Variants in MACROD2 observed in about 807,000 individuals in gnomAD.
The protein encoded by MACROD2 is mono-ADP ribosylhydrolase 2, also known as ADP-ribose glycohydrolase MACROD2.
In MACROD2, 36 loss-of-function variants were observed where a neutral mutation model predicts 70.4. The ratio of observed to expected loss-of-function variants is 0.51; its 90% CI spans 0.39 to 0.68. The LOEUF is 0.68. MACROD2 is among the 30% of genes least tolerant of loss of function. The pLI, the probability that MACROD2 is intolerant of heterozygous loss-of-function variation, is 0.00. For missense variants in MACROD2, 496 were observed against 538.4 expected, an observed-to-expected ratio of 0.92 and a Z score of 0.78; for synonymous variants, 172 against 178.8, an observed-to-expected ratio of 0.96 and a Z score of 0.30.
chr20:15,471,869 C>G (rs76110196), intron 7 of MACROD2, among the ~76,000 whole-genome samples: 8,132 of 152,096 alleles, frequency 0.053, 739 homozygotes, highest in African/African-American at 0.18. Flanking sequence ...GATCACTTTT[C>G]ATTCCCCCTT....
intron 6 of MACROD2, among the ~76,000 whole-genome samples, chr20:15,352,017 G>A (rs1200415403): frequency 6.6e-6 from 1 of 150,388 alleles, no homozygotes; most frequent in African/African-American, 2.5e-5. Flanking sequence ...AAGAGACTCT[G>A]TTAGTTGGTG....
At chr20:14,337,901 G>C (rs1359575233) in intron 3 of MACROD2, among the ~76,000 whole-genome samples, 7 of 152,126 alleles carry the variant, frequency 4.6e-5, no homozygotes, top group African/African-American at 1.7e-4. Flanking sequence ...TTTTTAAAAA[G>C]CATGTTAGAA....
intron 5 of MACROD2, among the ~76,000 whole-genome samples, chr20:14,983,502 A>C (rs998950125): frequency 6.6e-6 from 1 of 152,072 alleles, no homozygotes; most frequent in Non-Finnish European, 1.5e-5. Context: ...TAATTGAATC[A>C]TGGGGGCGGG....
chr20:15,822,610 A>G (rs921856033), intron 8 of MACROD2, among the ~76,000 whole-genome samples: 1 of 152,198 alleles, frequency 6.6e-6, no homozygotes, highest in Non-Finnish European at 1.5e-5. Context: ...TCCTAACAGC[A>G]TTATTGAATG....
In MACROD2 at chr20:16,052,526, A is replaced by G. The variant is rs1002406118; in HGVS notation, c.*2650A>G. 1 of 152,590 alleles carries G rather than the reference A, an allele frequency of 6.6e-6. No individual in the cohort carries two copies. Among genetic ancestry groups the G allele is most frequent in the African/African-American group, 2.4e-5 (1 of 41,462 alleles). 9.5% of individuals were successfully genotyped at this position (152,590 alleles called of 1,614,324 possible). A position where few individuals can be genotyped will look rare whatever the true frequency, so the allele number is the denominator to read the frequency against. ...GTAGGCCTTCACCATAATAGTTCTA[A>G]TTAAAATGGTCCTCGCTGTAGGAGA... On this transcript the variant is annotated 3_prime_UTR_variant, in exon 18 of 18. Transcript: ENST00000684519.
At chr20:14,495,292 T>C (rs2084841042) in intron 4 of MACROD2, among the ~76,000 whole-genome samples, 1 of 152,088 alleles carries the variant, frequency 6.6e-6, no homozygotes, top group African/African-American at 2.4e-5. Flanking sequence ...CTTTCATACT[T>C]AGATGACCTC....
At chr20:15,580,788 A>G (rs1678910554) in intron 8 of MACROD2, among the ~76,000 whole-genome samples, 1 of 152,210 alleles carries the variant, frequency 6.6e-6, no homozygotes, top group African/African-American at 2.4e-5. Flanking sequence ...ACAAATGGTT[A>G]TGGCTCTTCT....
At chr20:14,536,783 T>C (rs915361127) in intron 4 of MACROD2, among the ~76,000 whole-genome samples, 1 of 152,188 alleles carries the variant, frequency 6.6e-6, no homozygotes, top group South Asian at 2.1e-4. Flanking sequence ...TGAAACCTTA[T>C]TGGGAACATC....
chr20:15,937,450 G>A, intron 11 of MACROD2, 26 bp from the exon 12 acceptor site: 1 of 1,611,456 alleles, frequency 6.2e-7, no homozygotes, highest in Non-Finnish European at 8.5e-7. Context: ...TGAACTCTGA[G>A]GCAGTGTTTC....
rs116453103 is a variant in MACROD2, at chr20:14,667,717, C to G, written c.302-17126C>G. ...GGATTATCCAAGCCATAGCTTTATC[C>G]TCTCTGAAATCTCTTCTATGCACTT... is the stretch of plus-strand genomic sequence containing the variant. On this transcript the variant is annotated intron_variant, in intron 4 of 17. Transcript: ENST00000684519. 5.0e-3 allele frequency among the ~76,000 whole-genome samples: 758 copies of G among 152,278 alleles called. 8 individuals carry two copies. The highest frequency in any genetic ancestry group is 0.017 in the African/African-American group (707 of 41,562).
intron 6 of MACROD2, among the ~76,000 whole-genome samples, chr20:15,418,061 G>A (rs2085141645): frequency 6.6e-6 from 1 of 152,202 alleles, no homozygotes; most frequent in African/African-American, 2.4e-5. Flanking sequence ...CTGAGTCAAA[G>A]GATCGGGGCT....
In MACROD2 at chr20:14,254,476, ATATTT is replaced by A. The variant is rs2092710073; in HGVS notation, c.271+168760_271+168764del. 4.6e-5 allele frequency among the ~76,000 whole-genome samples: 7 copies of A among 152,134 alleles called. 1 individual carries two copies. The South Asian group carries it at 1.0e-3, about 23-fold the overall frequency. On this transcript the variant is annotated intron_variant, in intron 3 of 17. Transcript: ENST00000684519. ...GGCCTAGTTTTCCATATATGTTAAA[ATATTT>A]TATTTTATTTTTATCAGGTAAAATT...
At chr20:14,573,116 A>G (rs939427410) in intron 4 of MACROD2, among the ~76,000 whole-genome samples, 4 of 151,944 alleles carry the variant, frequency 2.6e-5, no homozygotes, top group Non-Finnish European at 5.9e-5. Context: ...AGCCAGGTGG[A>G]ATAACATCAG....
chr20:14,373,745 C>T (rs1460471563), intron 3 of MACROD2, among the ~76,000 whole-genome samples: 1 of 152,128 alleles, frequency 6.6e-6, no homozygotes, highest in East Asian at 1.9e-4. Flanking sequence ...ATTAATTATG[C>T]AGCGAGAGTA....
intron 3 of MACROD2, among the ~76,000 whole-genome samples, chr20:14,274,931 A>C (rs2082235991): frequency 6.6e-6 from 1 of 152,114 alleles, no homozygotes; most frequent in Admixed American, 6.5e-5. Context: ...CTAGGAATCC[A>C]ACTTACAAGG....
At chr20:15,514,123 A>T (rs1426097147) in intron 8 of MACROD2, among the ~76,000 whole-genome samples, 4 of 152,238 alleles carry the variant, frequency 2.6e-5, no homozygotes, top group Non-Finnish European at 5.9e-5. Flanking sequence ...TTATTACAAG[A>T]GTCAAAAGTT....
intron 5 of MACROD2, among the ~76,000 whole-genome samples, chr20:15,210,912 A>G (rs1465299324): frequency 3.3e-5 from 5 of 152,190 alleles, no homozygotes; most frequent in Non-Finnish European, 4.4e-5. Flanking sequence ...ACTTTTCTTT[A>G]TAAGTTACCC....
intron 10 of MACROD2, among the ~76,000 whole-genome samples, chr20:15,927,206 A>G (rs114346199): frequency 6.6e-6 from 1 of 152,164 alleles, no homozygotes; most frequent in African/African-American, 2.4e-5. Context: ...AATACGATTC[A>G]AGGAAAAAAT....
At chr20:15,458,997 C>T (rs1441706626) in intron 7 of MACROD2, among the ~76,000 whole-genome samples, 1 of 152,028 alleles carries the variant, frequency 6.6e-6, no homozygotes, top group Non-Finnish European at 1.5e-5. Context: ...GAGCCTGATG[C>T]AGACATTTCA....
Sources: allele counts gnomAD v4.1 joint callset (sites outside exome capture counted in the v4.1 genomes callset), GRCh38; gene constraint gnomAD v4.1.1; transcripts MANE v1.5; gene names NCBI Gene and HGNC (gene_info 2026-07-23, HGNC 2026-07-21).